HS3ST4: variants seen among roughly 807,000 people sequenced by gnomAD.
HS3ST4 encodes the protein heparan sulfate-glucosamine 3-sulfotransferase 4.
HS3ST4 carries 17 observed loss-of-function variants against 29.2 expected under a neutral mutation model. The observed-to-expected ratio is 0.58, with a 90% CI of 0.40 to 0.87. The LOEUF (loss-of-function observed/expected upper bound fraction) is 0.87. Ranked by LOEUF, HS3ST4 falls within the 40% of genes least tolerant of loss-of-function variation. The pLI is 0.00. For missense variants in HS3ST4, 627 were observed against 634.5 expected, an observed-to-expected ratio of 0.99 and a Z score of 0.13; for synonymous variants, 314 against 285.7, an observed-to-expected ratio of 1.10 and a Z score of -1.00.
At chr16:26,068,713 C>A (rs796779992) in intron 1 of HS3ST4, among the ~76,000 whole-genome samples, 11 of 151,838 alleles carry the variant, frequency 7.2e-5, no homozygotes, top group African/African-American at 2.4e-4. Flanking sequence ...AGTACAAAAT[C>A]CTGAAAATAC....
intron 1 of HS3ST4, among the ~76,000 whole-genome samples, chr16:25,972,407 T>G (rs911281011): frequency 6.6e-6 from 1 of 152,180 alleles, no homozygotes; most frequent in African/African-American, 2.4e-5. Flanking sequence ...TGCTAACCAG[T>G]GCAGTTATTT....
At chr16:25,798,217 C>T (rs992812122) in intron 1 of HS3ST4, among the ~76,000 whole-genome samples, 3 of 152,114 alleles carry the variant, frequency 2.0e-5, no homozygotes, top group Admixed American at 6.5e-5. Context: ...GGAAGTGATT[C>T]CTGGTGTTAG....
At chr16:26,013,441 A>G (rs1380372457) in intron 1 of HS3ST4, among the ~76,000 whole-genome samples, 1 of 152,164 alleles carries the variant, frequency 6.6e-6, no homozygotes, top group African/African-American at 2.4e-5. Flanking sequence ...TTAATATAAA[A>G]TATATGGTCA....
chr16:26,017,729 A>AG (rs1969374604), intron 1 of HS3ST4, among the ~76,000 whole-genome samples: 1 of 152,090 alleles, frequency 6.6e-6, no homozygotes, highest in Non-Finnish European at 1.5e-5. Context: ...AGAGAGAAAA[A>AG]GTCCTCAAGG....
At chr16:25,751,652 G>A (rs59312354) in intron 1 of HS3ST4, among the ~76,000 whole-genome samples, 1 of 152,180 alleles carries the variant, frequency 6.6e-6, no homozygotes, top group African/African-American at 2.4e-5. Context: ...GTGCTAAACA[G>A]GAATCATATT....
chr16:25,870,033 C>T (rs545928466), intron 1 of HS3ST4, among the ~76,000 whole-genome samples: 5 of 152,242 alleles, frequency 3.3e-5, no homozygotes, highest in African/African-American at 1.2e-4. Context: ...CATAGGACAC[C>T]GAACCTTCTG....
At chr16:25,900,169 C>T (rs944552401) in intron 1 of HS3ST4, among the ~76,000 whole-genome samples, 1 of 151,614 alleles carries the variant, frequency 6.6e-6, no homozygotes, top group African/African-American at 2.4e-5. Flanking sequence ...TCTTGTCATT[C>T]AAATAGGGTA....
chr16:26,034,006 A>G (rs1285621226), intron 1 of HS3ST4, among the ~76,000 whole-genome samples: 2 of 152,178 alleles, frequency 1.3e-5, no homozygotes, highest in African/African-American at 2.4e-5. Context: ...CGCCTCCACA[A>G]TCTGCAATCC....
intron 1 of HS3ST4, among the ~76,000 whole-genome samples, chr16:26,085,029 C>T (rs1898769529): frequency 6.6e-6 from 1 of 152,192 alleles, no homozygotes; most frequent in African/African-American, 2.4e-5. Flanking sequence ...CATCCAGTGG[C>T]TCCACGGTGA....
chr16:26,132,849 T>G (rs1179457713), intron 1 of HS3ST4, among the ~76,000 whole-genome samples: 1 of 152,212 alleles, frequency 6.6e-6, no homozygotes, highest in Non-Finnish European at 1.5e-5. Context: ...ATAGCTATTT[T>G]CAGGTGATGT....
chr16:25,881,482 A>G lies in HS3ST4; in HGVS notation c.734+188331A>G, dbSNP rs188244650. Among the ~76,000 whole-genome samples, 10 of 152,358 alleles carry G rather than the reference A, an allele frequency of 6.6e-5. No homozygotes were observed. In the East Asian group the frequency reaches 1.9e-3, roughly 29 times the overall value. ...TTAAAATAAAATCCTTCGATACCAG[A>G]CAATGGCAGTAAAGGGCACCTGGAT... On this transcript the variant is annotated intron_variant, in intron 1 of 1. Coordinates refer to ENST00000331351, the MANE Select transcript of HS3ST4 (RefSeq NM_006040.3).
At chr16:25,815,444 C>T (rs1967084010) in intron 1 of HS3ST4, among the ~76,000 whole-genome samples, 1 of 152,178 alleles carries the variant, frequency 6.6e-6, no homozygotes, top group African/African-American at 2.4e-5. Flanking sequence ...CTGCCTCAGC[C>T]TCACGAGTAG....
intron 1 of HS3ST4, among the ~76,000 whole-genome samples, chr16:26,077,353 C>T (rs1898674902): frequency 6.6e-6 from 1 of 152,196 alleles, no homozygotes; most frequent in African/African-American, 2.4e-5. Flanking sequence ...ATAGGCCCCA[C>T]CTCTTGGGAG....
At chr16:25,848,805 T>C (rs913910570) in intron 1 of HS3ST4, among the ~76,000 whole-genome samples, 3 of 152,082 alleles carry the variant, frequency 2.0e-5, no homozygotes, top group Non-Finnish European at 2.9e-5. Flanking sequence ...TGTTTTACTT[T>C]CTTCAGTTTT....
At chr16:25,894,245 A>G (rs1026245277) in intron 1 of HS3ST4, among the ~76,000 whole-genome samples, 1 of 152,088 alleles carries the variant, frequency 6.6e-6, no homozygotes, top group East Asian at 1.9e-4. Flanking sequence ...GGTGTTTCCT[A>G]GTTTACAGGA....
At chr16:25,812,893 T>A (rs1967056296) in intron 1 of HS3ST4, among the ~76,000 whole-genome samples, 1 of 152,146 alleles carries the variant, frequency 6.6e-6, no homozygotes, top group Non-Finnish European at 1.5e-5. Flanking sequence ...TTAAGCAGGA[T>A]TCCCACTTTT....
intron 1 of HS3ST4, among the ~76,000 whole-genome samples, chr16:25,994,934 T>A (rs969510577): frequency 1.3e-5 from 2 of 152,240 alleles, no homozygotes. Flanking sequence ...TTTCCCTGAA[T>A]ACCATGTACC....
intron 1 of HS3ST4, among the ~76,000 whole-genome samples, chr16:25,699,829 G>A (rs974781999): frequency 1.2e-4 from 19 of 152,272 alleles, no homozygotes; most frequent in African/African-American, 4.6e-4. Context: ...TGCAGAATGA[G>A]CTCAATATTA....
At chr16:25,984,325 C>A (rs4430746) in intron 1 of HS3ST4, among the ~76,000 whole-genome samples, 139,880 of 152,174 alleles carry the variant, frequency 0.92, 64,431 homozygotes, top group Admixed American at 0.95. Flanking sequence ...GCATTAGATT[C>A]TCATAAGGAG....
Sources: gnomAD v4.1 joint callset for allele counts (sites outside exome capture counted in the v4.1 genomes callset) on GRCh38, gnomAD v4.1.1 for gene constraint, MANE v1.5 for transcripts, NCBI Gene and HGNC (gene_info 2026-07-23, HGNC 2026-07-21) for gene names.